EZR: variants seen among roughly 807,000 people sequenced by gnomAD.
EZR encodes the protein cytovillin 2.
Under a neutral mutation model 74.8 loss-of-function variants are expected in EZR, and 40 were observed. That is an observed-to-expected ratio of 0.53 (90% CI 0.42 to 0.70). The LOEUF (loss-of-function observed/expected upper bound fraction) is 0.70, where lower values mean the gene tolerates loss of function less well. Among genes scored for constraint, EZR ranks in the 30% least tolerant of loss-of-function variants. EZR has a pLI of 0.00. For missense variants in EZR, 678 were observed against 755.8 expected, an observed-to-expected ratio of 0.90 and a Z score of 1.21; for synonymous variants, 341 against 283.3, an observed-to-expected ratio of 1.20 and a Z score of -2.05.
At chr6:158,815,692 G>A (rs1404726487) in intron 2 of EZR, among the ~76,000 whole-genome samples, 1 of 152,110 alleles carries the variant, frequency 6.6e-6, no homozygotes, top group Non-Finnish European at 1.5e-5. Flanking sequence ...GAACTCCTGG[G>A]CTCATGTGAT....
At position 158,767,343 on chromosome 6, in the gene EZR, C is replaced by A; in HGVS notation, c.1514G>T (p.Ser505Ile). The change falls in exon 13 of 14, where the codon AGT (serine) becomes ATT (isoleucine). Residue 505 changes from serine (S) to isoleucine (I), a missense_variant. Around this residue, in one of 3 missense-constraint regions of EZR, gnomAD observed 342 missense variants for 341.2 expected, o/e 1.00. Transcript: ENST00000367075. The stretch of plus-strand genomic sequence containing the variant: ...ATTGCGGTCATCCCGGATGCCCTCA[C>A]TAGACAGCTCCGCGCTGTAGCCCGT... Reference protein sequence around the residue: ...EPTGYSAELSSEGIRDDRNEE... With the variant: ...EPTGYSAELSIEGIRDDRNEE... The A allele has an allele frequency of 1.2e-6, 2 of 1,614,164 alleles. No individual in the cohort carries two copies. Among genetic ancestry groups the A allele is most frequent in the Non-Finnish European group, 1.7e-6 (2 of 1,180,020 alleles).
At chr6:158,780,691 G>A (rs1791412226) in intron 7 of EZR, among the ~76,000 whole-genome samples, 1 of 152,162 alleles carries the variant, frequency 6.6e-6, no homozygotes, top group Non-Finnish European at 1.5e-5. Flanking sequence ...GAAGCTAAGG[G>A]AGAAAAAGTG....
In EZR at chr6:158,790,839, C is replaced by G. The variant is rs371343727; in HGVS notation, c.13-1468G>C. On this transcript the variant is annotated intron_variant, in intron 2 of 13. Coordinates refer to ENST00000367075, the MANE Select transcript of EZR (RefSeq NM_001111077.2). ...CACTGTCCCAAAGAAAACAGCAGAG[C>G]CACATAGCAACTATAATGCTTAATA... 1.2e-4 allele frequency among the ~76,000 whole-genome samples: 19 copies of G among 152,288 alleles called. 1 individual carries two copies. Among genetic ancestry groups the G allele is most frequent in the African/African-American group, 4.6e-4 (19 of 41,564 alleles).
chr6:158,773,048 A>G (rs965721008), intron 8 of EZR, among the ~76,000 whole-genome samples: 2 of 152,058 alleles, frequency 1.3e-5, no homozygotes, highest in African/African-American at 4.8e-5. Flanking sequence ...TGGAGCTGGG[A>G]GCAATCGGCA....
rs968869546 is a variant in EZR, at chr6:158,785,292, G to T, written c.467+17C>A. ...GGCATGACTGCTCCTGCCCAGGCCG[G>T]GTCATCCTGTGCTCACCTTTGAGGG... On this transcript the variant is annotated intron_variant, in intron 5 of 13. Transcript: ENST00000367075. The T allele has an allele frequency of 1.7e-5, 28 of 1,610,602 alleles. No homozygotes were observed. Among genetic ancestry groups the T allele is most frequent in the Non-Finnish European group, 2.3e-5 (27 of 1,177,848 alleles).
intron 7 of EZR, among the ~76,000 whole-genome samples, chr6:158,780,539 G>A (rs542681328): frequency 2.6e-5 from 4 of 152,294 alleles, no homozygotes; most frequent in Admixed American, 1.3e-4. Flanking sequence ...TTAAAGAAGA[G>A]ACATGTTCTG....
chr6:158,773,154 G>A (rs981697668), intron 8 of EZR, among the ~76,000 whole-genome samples: 4 of 152,166 alleles, frequency 2.6e-5, no homozygotes, highest in South Asian at 2.1e-4. Flanking sequence ...CTCAGAAAAC[G>A]CTGATTAGCA....
At chr6:158,790,674 AAAAC>A (rs199620849) in intron 2 of EZR, among the ~76,000 whole-genome samples, 3 of 110,724 alleles carry the variant, frequency 2.7e-5, no homozygotes, top group East Asian at 4.0e-4. Flanking sequence ...ACTCCATCTC[AAAAC>A]AAACAAACAA....
intron 2 of EZR, among the ~76,000 whole-genome samples, chr6:158,808,796 T>A (rs1266691803): frequency 6.6e-6 from 1 of 152,176 alleles, no homozygotes; most frequent in East Asian, 1.9e-4. Context: ...AAACAAGAAT[T>A]TAAAGTTTGC....
At chr6:158,800,690 T>C (rs2128573839) in intron 2 of EZR, among the ~76,000 whole-genome samples, 1 of 152,130 alleles carries the variant, frequency 6.6e-6, no homozygotes, top group African/African-American at 2.4e-5. Flanking sequence ...TAATCCCAGA[T>C]ACACCAGGGA....
chr6:158,788,301 G>A (rs889466259), intron 3 of EZR: 6 of 152,174 alleles, frequency 3.9e-5, no homozygotes, highest in African/African-American at 1.4e-4. Flanking sequence ...TTTATTAAAT[G>A]CCCAGGACTG....
In EZR at chr6:158,776,456, A is replaced by G. The variant is rs376475001; in HGVS notation, c.747T>C (p.Ser249=). 7.6e-5 allele frequency: 123 copies of G among 1,613,476 alleles called. No homozygotes were observed. The highest frequency in any genetic ancestry group is 1.0e-4 in the Non-Finnish European group (119 of 1,179,874). The change falls in exon 8 of 14, where the codon TCT becomes TCC. Residue 249 remains serine (S), a synonymous_variant. Transcript: ENST00000367075. ...GFPWSEIRNI[S]FNDKKFVIKP... is the part of the protein sequence containing the mutation. The stretch of plus-strand genomic sequence containing the variant: ...TAATGACAAACTTTTTGTCATTGAA[A>G]GAGATGTTCCTGATTTCACTCCAAG...
Position 158,808,240 on chromosome 6 carries a change from T to C in EZR, c.12+9842A>G, listed in dbSNP as rs370101641. On this transcript the variant is annotated intron_variant, in intron 2 of 13. Transcript: ENST00000367075. ...CCCCAGCCCACAAGCACTTTAAGGC[T>C]GCCAGGTGGAGGCTGTTAGGGGGAG... Among the ~76,000 whole-genome samples, 66 of 152,332 alleles carry C rather than the reference T, an allele frequency of 4.3e-4. No homozygotes were observed. The South Asian group carries it at 0.013, about 30-fold the overall frequency.
At chr6:158,793,159 C>T (rs1191574198) in intron 2 of EZR, among the ~76,000 whole-genome samples, 1 of 130,592 alleles carries the variant, frequency 7.7e-6, no homozygotes, top group African/African-American at 2.9e-5. Flanking sequence ...CATCTCTCTA[C>T]AAAAAATCAT....
At chr6:158,783,084 T>C (rs565477741) in intron 7 of EZR, among the ~76,000 whole-genome samples, 31 of 152,306 alleles carry the variant, frequency 2.0e-4, no homozygotes, top group African/African-American at 4.8e-4. Context: ...GTACAGGCTA[T>C]TGTTTACAGC....
chr6:158,814,331 A>G (rs576270567), intron 2 of EZR, among the ~76,000 whole-genome samples: 2 of 152,028 alleles, frequency 1.3e-5, no homozygotes, highest in Admixed American at 6.6e-5. Context: ...TTCTCAATAC[A>G]GTCTGCCAAT....
At chr6:158,817,965 C>CT (rs1192035090) in intron 2 of EZR, 117 bp downstream of exon 2, 1 of 985,016 alleles carries the variant, frequency 1.0e-6, no homozygotes, top group East Asian at 2.7e-5. Flanking sequence ...TTCCTATCGT[C>CT]TTCTGCGTGT....
In EZR at chr6:158,767,406, T is replaced by A. The variant is rs955935155; in HGVS notation, c.1451A>T (p.His484Leu). Reference sequence around the variant, plus strand: ...CTCATCCTGCAAGCTCTCCTGGACATGGTAGCTCACCGGCTCGTACACGGG... The same window carrying A: ...CTCATCCTGCAAGCTCTCCTGGACAAGGTAGCTCACCGGCTCGTACACGGG... ...PPPVYEPVSY[H>L]VQESLQDEGA... Residue 484 changes from histidine to leucine, a missense_variant, in exon 13 of 14, where the codon CAT (histidine) becomes CTT (leucine). Coordinates refer to ENST00000367075, the MANE Select transcript of EZR (RefSeq NM_001111077.2). 1.3e-6 allele frequency: 2 copies of A among 1,591,218 alleles called. No individual in the cohort carries two copies. The highest frequency in any genetic ancestry group is 2.7e-5 in the African/African-American group (2 of 73,050).
intron 6 of EZR, among the ~76,000 whole-genome samples, chr6:158,784,334 A>G (rs569602021): frequency 1.2e-4 from 18 of 152,256 alleles, no homozygotes; most frequent in Non-Finnish European, 2.6e-4. Flanking sequence ...TGACAGAATA[A>G]TGCTGATTGC....
Sources: allele counts gnomAD v4.1 joint callset (sites outside exome capture counted in the v4.1 genomes callset), GRCh38; gene constraint gnomAD v4.1.1; regional missense constraint gnomAD v4.1.1; transcripts MANE v1.5; gene names NCBI Gene and HGNC (gene_info 2026-07-23, HGNC 2026-07-21).